Variants in ARHGEF3 observed in about 807,000 individuals in gnomAD.
ARHGEF3 encodes Rho guanine nucleotide exchange factor 3, also known as 59.8 kDA protein.
Under a neutral mutation model 63.2 loss-of-function variants are expected in ARHGEF3, and 28 were observed. That is an observed-to-expected ratio of 0.44 (90% CI 0.33 to 0.61). The LOEUF (loss-of-function observed/expected upper bound fraction) is 0.61, where lower values mean the gene tolerates loss of function less well. ARHGEF3 is among the 20% of genes least tolerant of loss of function. The pLI is 0.03. For missense variants in ARHGEF3, 533 were observed against 659.3 expected (o/e 0.81, Z 2.10); for synonymous variants, 266 against 254.2 (o/e 1.05, Z -0.44).
chr3:57,025,053 G>A (rs527424965), intron 2 of ARHGEF3, among the ~76,000 whole-genome samples: 7 of 152,254 alleles, frequency 4.6e-5, no homozygotes, highest in African/African-American at 1.7e-4. Flanking sequence ...AAATGGCACC[G>A]CAAAGACACA....
chr3:57,004,319 G>C (rs193014762), intron 2 of ARHGEF3, among the ~76,000 whole-genome samples: 33 of 152,340 alleles, frequency 2.2e-4, no homozygotes, highest in African/African-American at 7.9e-4. Context: ...CCCTGATAAC[G>C]TGTCCACATT....
At chr3:56,742,872 C>A (rs919433068) in intron 7 of ARHGEF3, among the ~76,000 whole-genome samples, 6 of 152,188 alleles carry the variant, frequency 3.9e-5, no homozygotes, top group Non-Finnish European at 8.8e-5. Context: ...TACACACAAT[C>A]ATATTCTTAT....
chr3:56,955,106 T>C (rs1006026513), intron 3 of ARHGEF3, among the ~76,000 whole-genome samples: 4 of 151,982 alleles, frequency 2.6e-5, no homozygotes, highest in African/African-American at 9.7e-5. Flanking sequence ...TTTCTCACCA[T>C]CACCTCGTCC....
chr3:56,947,743 T>C (rs1379316836), intron 3 of ARHGEF3, among the ~76,000 whole-genome samples: 3 of 152,036 alleles, frequency 2.0e-5, no homozygotes, highest in Non-Finnish European at 2.9e-5. Context: ...AACAAGGATA[T>C]TGAGGAATTG....
chr3:56,951,283 AAAAG>A (rs961496884), intron 3 of ARHGEF3, among the ~76,000 whole-genome samples: 6 of 152,110 alleles, frequency 3.9e-5, no homozygotes, highest in South Asian at 2.1e-4. Flanking sequence ...TATAAAAAAA[AAAAG>A]AAAGGAAAGA....
At chr3:56,949,105 A>G (rs978749821) in intron 3 of ARHGEF3, among the ~76,000 whole-genome samples, 10 of 152,002 alleles carry the variant, frequency 6.6e-5, no homozygotes, top group African/African-American at 2.4e-4. Context: ...CTCTCAATAA[A>G]TTAGGTATTG....
chr3:56,761,385 A>G (rs1303955630), intron 2 of ARHGEF3, among the ~76,000 whole-genome samples: 2 of 152,126 alleles, frequency 1.3e-5, no homozygotes, highest in African/African-American at 4.8e-5. Flanking sequence ...AGAGAAGAAC[A>G]GCCACATCCC....
chr3:56,973,524 G>A (rs1026307292), intron 2 of ARHGEF3, among the ~76,000 whole-genome samples: 1 of 152,154 alleles, frequency 6.6e-6, no homozygotes, highest in South Asian at 2.1e-4. Context: ...AAATAGAGAT[G>A]TGGAATTAGC....
Position 56,899,776 on chromosome 3 carries a change from T to C in ARHGEF3, c.130-17422A>G, listed in dbSNP as rs143307091. On this transcript the variant is annotated intron_variant, in intron 3 of 12. Coordinates refer to the ARHGEF3 transcript ENST00000338458. ...CTGTGACAAGTACAGAGAAAGCAACTCTCTGTTCCCCTATGCCCTGAGATG... is the reference window on the plus strand; with the variant it reads ...CTGTGACAAGTACAGAGAAAGCAACCCTCTGTTCCCCTATGCCCTGAGATG... 8.4e-4 allele frequency among the ~76,000 whole-genome samples: 128 copies of C among 152,284 alleles called. 2 individuals carry two copies. Among genetic ancestry groups the C allele is most frequent in the South Asian group, 3.3e-3 (16 of 4,822 alleles).
intron 1 of ARHGEF3, among the ~76,000 whole-genome samples, chr3:56,795,654 TC>T (rs1286354943): frequency 3.3e-5 from 4 of 120,200 alleles, no homozygotes; most frequent in Non-Finnish European, 5.0e-5. Flanking sequence ...AGTCTCTCTC[TC>T]TTTTTTTTTT....
chr3:56,777,939 A>T (rs1223732735), intron 1 of ARHGEF3, among the ~76,000 whole-genome samples: 3 of 152,192 alleles, frequency 2.0e-5, no homozygotes, highest in Non-Finnish European at 2.9e-5. Context: ...GAGTTGATGG[A>T]GCCAAATAAA....
intron 2 of ARHGEF3, among the ~76,000 whole-genome samples, chr3:57,002,557 ATATGT>A (rs1339814663): frequency 1.5e-5 from 2 of 137,274 alleles, no homozygotes; most frequent in African/African-American, 2.7e-5. Flanking sequence ...TATGTTATAT[ATATGT>A]TATATGTATG....
At chr3:56,870,861 T>TA (rs2040412388) in intron 4 of ARHGEF3, among the ~76,000 whole-genome samples, 1 of 152,172 alleles carries the variant, frequency 6.6e-6, no homozygotes, top group African/African-American at 2.4e-5. Flanking sequence ...GAGGATGCCC[T>TA]ATTCTGTAAC....
chr3:56,825,122 A>G (rs2038663773), intron 4 of ARHGEF3, among the ~76,000 whole-genome samples: 1 of 152,244 alleles, frequency 6.6e-6, no homozygotes, highest in African/African-American at 2.4e-5. Context: ...CTCGCCTATA[A>G]AATGGGGATG....
At chr3:56,871,997 T>A (rs1418766193) in intron 4 of ARHGEF3, among the ~76,000 whole-genome samples, 1 of 152,226 alleles carries the variant, frequency 6.6e-6, no homozygotes, top group African/African-American at 2.4e-5. Flanking sequence ...TCATTTATTC[T>A]TATTCTTATC....
At chr3:56,946,557 C>T (rs528425714) in intron 3 of ARHGEF3, among the ~76,000 whole-genome samples, 12 of 151,898 alleles carry the variant, frequency 7.9e-5, no homozygotes, top group African/African-American at 2.4e-4. Flanking sequence ...TGAAATGAAG[C>T]GAGAAGAAAA....
At position 56,777,060 on chromosome 3, in the gene ARHGEF3, A is replaced by G. The variant is rs1314098785; in HGVS notation, c.97-3244T>C. Among the ~76,000 whole-genome samples the G allele has an allele frequency of 2.0e-5, 3 of 152,188 alleles. No homozygotes were observed. In the East Asian group the frequency reaches 5.8e-4, roughly 29 times the overall value. The stretch of plus-strand genomic sequence containing the variant: ...TTGCACTGGCTAGAACCACCTGTAT[A>G]TTGTTGATTACAAGCCAAGACAGTG... On this transcript the variant is annotated intron_variant, in intron 1 of 9. Transcript: ENST00000296315.
chr3:56,806,042 T>TG (rs2037850692), upstream of ARHGEF3, among the ~76,000 whole-genome samples: 1 of 151,868 alleles, frequency 6.6e-6, no homozygotes, highest in Non-Finnish European at 1.5e-5. Context: ...TTTTCAGGAG[T>TG]ATTTTTTTTT....
chr3:56,853,160 G>C (rs1039892033), intron 4 of ARHGEF3, among the ~76,000 whole-genome samples: 1 of 151,062 alleles, frequency 6.6e-6, no homozygotes, highest in Admixed American at 6.6e-5. Context: ...ATGGGGTACA[G>C]AGGTAACAGA....
Sources: gnomAD v4.1 joint callset for allele counts (sites outside exome capture counted in the v4.1 genomes callset) on GRCh38, gnomAD v4.1.1 for gene constraint, MANE v1.5 for transcripts, NCBI Gene and HGNC (gene_info 2026-07-23, HGNC 2026-07-21) for gene names.